Variants in ARSF observed in about 807,000 individuals in gnomAD.
ARSF encodes the protein arylsulfatase F.
ARSF carries 33 observed loss-of-function variants against 35.4 expected under a neutral mutation model. The ratio of observed to expected loss-of-function variants is 0.93; its 90% CI spans 0.71 to 1.25. ARSF has a LOEUF of 1.25. ARSF is among the 50% of genes most tolerant of loss of function. The pLI is 0.00. For missense variants in ARSF, 501 were observed against 480.2 expected (o/e 1.04, Z -0.40); for synonymous variants, 222 against 193.1 (o/e 1.15, Z -1.24).
intron 7 of ARSF, among the ~76,000 whole-genome samples, chrX:3,099,121 A>T (rs2090359029): frequency 9.0e-6 from 1 of 111,532 alleles, no homozygotes; most frequent in African/African-American, 3.3e-5. Flanking sequence ...TAAGATGCAG[A>T]TATGATGTTC....
At chrX:3,069,702 T>C (rs2090089610) in intron 2 of ARSF, among the ~76,000 whole-genome samples, 1 of 109,847 alleles carries the variant, frequency 9.1e-6, no homozygotes, top group Admixed American at 9.7e-5. Flanking sequence ...TCTTTCTTTT[T>C]AAATTCATTT....
At chrX:3,077,819 T>TTATTATTA in intron 4 of ARSF, among the ~76,000 whole-genome samples, 1 of 23,709 alleles carries the variant, frequency 4.2e-5, no homozygotes, top group Non-Finnish European at 8.4e-5. Context: ...TATTATTATT[T>TTATTATTA]TTGAAATGGA....
At chrX:3,099,895 C>G (rs980552126) in intron 7 of ARSF, among the ~76,000 whole-genome samples, 3 of 111,181 alleles carry the variant, frequency 2.7e-5, no homozygotes, top group Non-Finnish European at 5.7e-5. Context: ...ACTTGTGTGC[C>G]TTGGCTCTAG....
intron 7 of ARSF, among the ~76,000 whole-genome samples, chrX:3,093,624 G>T (rs186347215): frequency 1.6e-4 from 18 of 112,063 alleles, no homozygotes; most frequent in Non-Finnish European, 1.3e-4. Context: ...ATTCCATGGT[G>T]CATCTGTACC....
intron 7 of ARSF, among the ~76,000 whole-genome samples, chrX:3,092,020 T>C (rs2090295335): frequency 9.0e-6 from 1 of 110,987 alleles, no homozygotes; most frequent in African/African-American, 3.3e-5. Flanking sequence ...TAAACAGATA[T>C]ATAGATGATA....
chrX:3,073,233 ATATT>A (rs1486793325), intron 3 of ARSF, among the ~76,000 whole-genome samples: 1 of 87,106 alleles, frequency 1.1e-5, no homozygotes, highest in East Asian at 5.3e-4. Context: ...ATATAAATAT[ATATT>A]TATATATATA....
In ARSF at chrX:3,112,349, C is replaced by G. The variant is rs1380037592; in HGVS notation, c.1566C>G (p.Ala522=). ...CAGAGTCCACACCCCTGACACCTGC[C>G]ACAGAGCCCCTCCATGATTTTGTGA... The part of the protein sequence containing the change: ...DPSESTPLTP[A]TEPLHDFVIK... Residue 522 remains alanine (A), a synonymous_variant, in exon 11 of 11, where the codon GCC becomes GCG. Coordinates refer to ENST00000381127, the MANE Select transcript of ARSF (RefSeq NM_001201539.2). 8.3e-7 allele frequency: 1 copy of G among 1,211,373 alleles called. No homozygotes were observed. Among genetic ancestry groups the G allele is most frequent in the Non-Finnish European group, 1.1e-6 (1 of 895,452 alleles).
chrX:3,089,496 G>A lies in ARSF; in HGVS notation c.831G>A (p.Arg277=). 8.3e-7 allele frequency: 1 copy of A among 1,210,366 alleles called. No homozygotes were observed. The highest frequency in any genetic ancestry group is 1.1e-6 in the Non-Finnish European group (1 of 894,643). The change falls in exon 7 of 11, where the codon AGG becomes AGA. Residue 277 remains arginine (R), a splice_region_variant and synonymous_variant. Coordinates refer to ENST00000381127, the MANE Select transcript of ARSF (RefSeq NM_001201539.2). ...MVKEAISFLE[R]HSKETFLLFF... ...AGTAGTTTCATTGATGTCTTCTCAGGCACAGTAAGGAAACTTTCCTTCTCT... is the reference window on the plus strand; with the variant it reads ...AGTAGTTTCATTGATGTCTTCTCAGACACAGTAAGGAAACTTTCCTTCTCT...
intron 4 of ARSF, among the ~76,000 whole-genome samples, chrX:3,079,053 T>G (rs2090175551): frequency 9.0e-6 from 1 of 111,326 alleles, no homozygotes; most frequent in Admixed American, 9.6e-5. Context: ...AGTCTGTGAC[T>G]GGCGTCTGTC....
In ARSF at chrX:3,112,593, A is replaced by G. The variant is rs2090455308; in HGVS notation, c.*37A>G. 8.7e-7 allele frequency: 1 copy of G among 1,149,869 alleles called. No individual in the cohort carries two copies. The highest frequency in any genetic ancestry group is 1.2e-6 in the Non-Finnish European group (1 of 868,835). 94.8% of individuals were successfully genotyped at this position (1,149,869 alleles called of 1,213,427 possible). ...CTACCAGAGGAAGCCTTTGGTCCTAACGAGAAGAGATAATTACAATCAGGC... is the reference window on the plus strand; with the variant it reads ...CTACCAGAGGAAGCCTTTGGTCCTAGCGAGAAGAGATAATTACAATCAGGC... On this transcript the variant is annotated 3_prime_UTR_variant, in exon 11 of 11. Coordinates refer to ENST00000381127, the MANE Select transcript of ARSF (RefSeq NM_001201539.2).
chrX:3,042,787 C>T (rs1322511502), intron 1 of ARSF, among the ~76,000 whole-genome samples: 2 of 110,950 alleles, frequency 1.8e-5, no homozygotes, highest in Admixed American at 9.6e-5. Flanking sequence ...TGCAAGCCAC[C>T]GCACCCGGCC....
At chrX:3,043,385 T>C (rs1486523222) in intron 1 of ARSF, among the ~76,000 whole-genome samples, 1 of 112,302 alleles carries the variant, frequency 8.9e-6, no homozygotes, top group Non-Finnish European at 1.9e-5. Flanking sequence ...AAGGAAATTA[T>C]AATCATTCTA....
In ARSF at chrX:3,072,101, GC is replaced by G. The variant is rs747125038; in HGVS notation, c.89del (p.Pro30LeufsTer5). ...AGGCACACAGGGTGCATGACGACAA[GC>G]CTAATATTGTCCTAATCATGGTTGA... is the stretch of plus-strand genomic sequence containing the variant. ...CQAHRVHDDK[P>X]NIVLIMVDDL... On this transcript the variant is annotated frameshift_variant, in exon 3 of 11. Coordinates refer to ENST00000381127, the MANE Select transcript of ARSF (RefSeq NM_001201539.2). LOFTEE classifies it high-confidence loss of function. 7 of 1,202,529 alleles carry G rather than the reference GC, an allele frequency of 5.8e-6. No individual in the cohort carries two copies. Among genetic ancestry groups the G allele is most frequent in the Non-Finnish European group, 6.7e-6 (6 of 893,640 alleles).
chrX:3,044,031 C>A (rs1414112164), intron 1 of ARSF, among the ~76,000 whole-genome samples: 1 of 111,538 alleles, frequency 9.0e-6, no homozygotes, highest in Non-Finnish European at 1.9e-5. Context: ...AAGCGATCCA[C>A]CCGTCTTGGC....
chrX:3,107,241 A>T (rs777274064), intron 9 of ARSF, among the ~76,000 whole-genome samples: 1 of 111,578 alleles, frequency 9.0e-6, no homozygotes, highest in Non-Finnish European at 1.9e-5. Context: ...TAAGAAAATA[A>T]TTTTTTTAGA....
At position 3,103,774 on chromosome X, in the gene ARSF, T is replaced by TG; in HGVS notation, c.1121dup (p.Trp375LeufsTer24). The TG allele has an allele frequency of 1.7e-6, 2 of 1,210,949 alleles. No homozygotes were observed. Among genetic ancestry groups the TG allele is most frequent in the East Asian group, 3.0e-5 (1 of 33,790 alleles). ...CATTGTCTTATAGGTGGAAAAGGCATGGGGGGCTGGGAAGGTGGAATCCGC... is the reference window on the plus strand; with the variant it reads ...CATTGTCTTATAGGTGGAAAAGGCATGGGGGGGCTGGGAAGGTGGAATCCGC... On this transcript the variant is annotated frameshift_variant, in exon 9 of 11. Transcript: ENST00000381127. LOFTEE classifies it high-confidence loss of function.
intron 1 of ARSF, among the ~76,000 whole-genome samples, chrX:3,048,238 G>GA (rs2089983198): frequency 8.9e-6 from 1 of 112,188 alleles, no homozygotes; most frequent in Admixed American, 9.5e-5. Context: ...TAAGCCAAGG[G>GA]AAAAGTCAAG....
Position 3,103,748 on chromosome X carries a change from G to T in ARSF, c.1103-14G>T. 8.3e-7 allele frequency: 1 copy of T among 1,208,662 alleles called. No homozygotes were observed. The highest frequency in any genetic ancestry group is 1.1e-6 in the Non-Finnish European group (1 of 893,919). On this transcript the variant is annotated splice_polypyrimidine_tract_variant and intron_variant, in intron 8 of 10. Coordinates refer to ENST00000381127, the MANE Select transcript of ARSF (RefSeq NM_001201539.2). ...CTAGGCACAATAATTGAACTTAATT[G>T]CATTGTCTTATAGGTGGAAAAGGCA...
Position 3,084,229 on chromosome X carries a change from GTGTT to G in ARSF, c.407-11_407-8del. 8.3e-7 allele frequency: 1 copy of G among 1,207,761 alleles called. No individual in the cohort carries two copies. Among genetic ancestry groups the G allele is most frequent in the Non-Finnish European group, 1.1e-6 (1 of 892,294 alleles). On this transcript the variant is annotated splice_polypyrimidine_tract_variant and intron_variant, in intron 5 of 10. Transcript: ENST00000381127. ...CATATTGATGCGTAGATGTGTTTGTGTGTTTGGTTTTAGGCAAATGGCACCAAGG... is the reference window on the plus strand; with the variant it reads ...CATATTGATGCGTAGATGTGTTTGTGTGGTTTTAGGCAAATGGCACCAAGG...
Sources: allele counts gnomAD v4.1 joint callset (sites outside exome capture counted in the v4.1 genomes callset), GRCh38; gene constraint gnomAD v4.1.1; transcripts MANE v1.5; gene names NCBI Gene and HGNC (gene_info 2026-07-23, HGNC 2026-07-21).